TTBK1: variants seen among roughly 807,000 people sequenced by gnomAD.
The protein encoded by TTBK1 is tau-tubulin kinase 1.
A neutral mutation model predicts 108.5 loss-of-function variants in TTBK1; 34 were observed. That is an observed-to-expected ratio of 0.31 (90% confidence interval 0.24 to 0.42). The LOEUF is 0.42. Among genes scored for constraint, TTBK1 ranks in the 10% least tolerant of loss-of-function variants. The pLI is 1.00. For synonymous variants in TTBK1, 809 were observed against 795.1 expected (o/e 1.02, Z -0.29); for missense variants, 1,539 against 1,826.0 (o/e 0.84, Z 2.86).
intron 13 of TTBK1, among the ~76,000 whole-genome samples, chr6:43,274,244 T>C (rs1777906003): frequency 1.3e-5 from 2 of 152,278 alleles, no homozygotes; most frequent in South Asian, 4.1e-4. Flanking sequence ...CGATATCCCT[T>C]TGCATTTCCA....
chr6:43,246,797 G>C (rs1348125662), intron 2 of TTBK1, 29 bp downstream of exon 2: 1 of 1,576,690 alleles, frequency 6.3e-7, no homozygotes. Flanking sequence ...GGGACAGAGG[G>C]AGGGTAGCGG....
At chr6:43,254,417 C>T (rs530430927) in intron 5 of TTBK1, 130 bp from the exon 6 acceptor site, 4 of 601,080 alleles carry the variant, frequency 6.7e-6, no homozygotes, top group Non-Finnish European at 8.7e-6. Context: ...TGAATACTGA[C>T]GTTTCCTTGC....
chr6:43,255,014 G>A (rs1331460161), intron 6 of TTBK1, 35 bp from the exon 7 acceptor site: 2 of 1,608,824 alleles, frequency 1.2e-6, no homozygotes, highest in Admixed American at 1.7e-5. Context: ...GTGAGGGCAT[G>A]GTGGGTGACG....
In TTBK1 at chr6:43,283,947, C is replaced by T; in HGVS notation, c.3207C>T (p.Pro1069=). 1.2e-6 allele frequency: 2 copies of T among 1,612,716 alleles called. No individual in the cohort carries two copies. The highest frequency in any genetic ancestry group is 1.7e-6 in the Non-Finnish European group (2 of 1,179,318). ...CTGAGGAGGACACGGGCTCGGAGCC[C>T]TCAGGCTCACTGTCGGCCAAAGAGC... is the stretch of plus-strand genomic sequence containing the variant. ...LLSEEDTGSE[P]SGSLSAKERW... The change falls in exon 14 of 15, where the codon CCC becomes CCT. Residue 1069 remains proline, a synonymous_variant. Transcript: ENST00000259750. The surrounding 1 kb of genome is among the most constrained non-coding windows in gnomAD (Gnocchi z 8.1).
At chr6:43,254,439 T>G in intron 5 of TTBK1, 108 bp from the exon 6 acceptor site, 1 of 714,014 alleles carries the variant, frequency 1.4e-6, no homozygotes, top group Non-Finnish European at 2.3e-6. Flanking sequence ...GGCGAGTGAA[T>G]GTGGGGCTGA....
chr6:43,255,420 G>A, intron 7 of TTBK1, 132 bp from the exon 8 acceptor site: 1 of 823,276 alleles, frequency 1.2e-6, no homozygotes, highest in Non-Finnish European at 2.0e-6. Flanking sequence ...GTGGCCTCAG[G>A]GAGACCCCAG....
At position 43,282,603 on chromosome 6, in the gene TTBK1, T is replaced by A. The variant is rs1467646986; in HGVS notation, c.1987-124T>A. ...GACCCAGTGCCTGTGCTTAACTTTA[T>A]GGAGCTCACACTCTGGTAGACGACC... On this transcript the variant is annotated intron_variant, in intron 13 of 14. Coordinates refer to ENST00000259750, the MANE Select transcript of TTBK1 (RefSeq NM_032538.3). This position sits in a 1 kb window ranked among gnomAD's most constrained non-coding sequence, Gnocchi z 5.4. 6 of 776,960 alleles carry A rather than the reference T, an allele frequency of 7.7e-6. No homozygotes were observed. The highest frequency in any genetic ancestry group is 1.3e-5 in the Non-Finnish European group (6 of 467,488). The allele number at this position is 776,960 out of a possible 1,614,324, so 48.1% of individuals were successfully genotyped here. A position where few individuals can be genotyped will look rare whatever the true frequency, so the allele number is the denominator to read the frequency against.
In TTBK1 at chr6:43,253,503, C is replaced by G; in HGVS notation, c.331-65C>G. ...TTTGGGGTGAGGCTGGGAAGAGTAT[C>G]ACAATGATGGTGTCTGGGATGATGG... On this transcript the variant is annotated intron_variant, in intron 4 of 14. Coordinates refer to ENST00000259750, the MANE Select transcript of TTBK1 (RefSeq NM_032538.3). The surrounding 1 kb of genome is among the most constrained non-coding windows in gnomAD (Gnocchi z 5.8). 1.3e-6 allele frequency: 2 copies of G among 1,587,090 alleles called. No individual in the cohort carries two copies. Among genetic ancestry groups the G allele is most frequent in the East Asian group, 4.5e-5 (2 of 44,592 alleles).
intron 13 of TTBK1, among the ~76,000 whole-genome samples, chr6:43,278,287 G>A (rs1778063089): frequency 6.6e-6 from 1 of 152,146 alleles, no homozygotes; most frequent in African/African-American, 2.4e-5. Context: ...GACTTGGGCT[G>A]GGCTCTTGAG....
At chr6:43,267,713 T>C (rs1323176316) in intron 13 of TTBK1, among the ~76,000 whole-genome samples, 1 of 152,156 alleles carries the variant, frequency 6.6e-6, no homozygotes, top group African/African-American at 2.4e-5. Context: ...CGGGAAAAGC[T>C]AGGGCAAGGG....
In TTBK1 at chr6:43,255,040, C is replaced by T. The variant is rs1402469595; in HGVS notation, c.577-9C>T. The T allele has an allele frequency of 6.2e-7, 1 of 1,613,400 alleles. No individual in the cohort carries two copies. ...GTGGGTGACGTTCTTGGTGGTCTCCCTTCTGCAGCCTCGGAATGTGGCCGG... is the reference window on the plus strand; with the variant it reads ...GTGGGTGACGTTCTTGGTGGTCTCCTTTCTGCAGCCTCGGAATGTGGCCGG... On this transcript the variant is annotated splice_polypyrimidine_tract_variant and intron_variant, in intron 6 of 14. Coordinates refer to ENST00000259750, the MANE Select transcript of TTBK1 (RefSeq NM_032538.3).
rs1777791415 is a variant in TTBK1, at chr6:43,270,221, C to T, written c.1986+6871C>T. 3 of 1,292,224 alleles carry T rather than the reference C, an allele frequency of 2.3e-6. No individual in the cohort carries two copies. The Admixed American group carries it at 1.2e-4, about 50-fold the overall frequency. The allele number at this position is 1,292,224 out of a possible 1,614,324, so 80.0% of individuals were successfully genotyped here. On this transcript the variant is annotated intron_variant, in intron 13 of 14. Coordinates refer to ENST00000259750, the MANE Select transcript of TTBK1 (RefSeq NM_032538.3). ...GGGGCTGGTGGTACAGTTTCCAGGA[C>T]AGGGCAGGGGCGCTCAGCTGGAGCC...
intron 13 of TTBK1, among the ~76,000 whole-genome samples, chr6:43,266,896 G>A (rs1048419164): frequency 6.6e-6 from 1 of 152,154 alleles, no homozygotes; most frequent in Admixed American, 6.5e-5. Flanking sequence ...GATTACAGGC[G>A]TGAGCCATCG....
At chr6:43,258,046 C>T in intron 10 of TTBK1, 80 bp downstream of exon 10, 1 of 1,487,082 alleles carries the variant, frequency 6.7e-7, no homozygotes, top group East Asian at 2.3e-5. Flanking sequence ...CCTCTCCTCT[C>T]TTCCTATCTG....
At chr6:43,272,640 ATAT>A in intron 13 of TTBK1, 1 of 985,298 alleles carries the variant, frequency 1.0e-6, no homozygotes, top group Non-Finnish European at 1.2e-6. Context: ...GATCTTAATA[ATAT>A]TATCTTTTCG....
intron 13 of TTBK1, chr6:43,271,128 T>C: frequency 3.0e-6 from 3 of 985,328 alleles, no homozygotes; most frequent in East Asian, 1.1e-4. Context: ...AGCACCTCTG[T>C]TCCCCTGGGG....
rs35175743 is a variant in TTBK1, at chr6:43,263,310, C to G, written c.1946C>G (p.Pro649Arg). The G allele has an allele frequency of 0.028, 41,974 of 1,484,046 alleles. 707 individuals are homozygous for G. The highest frequency in any genetic ancestry group is 0.032 in the Non-Finnish European group (35,319 of 1,114,220). 91.9% of individuals were successfully genotyped at this position (1,484,046 alleles called of 1,614,324 possible). ...SHSPLHSGPRPRRRESDPTGP... is the reference protein window; with the variant it reads ...SHSPLHSGPRRRRRESDPTGP... Reference sequence around the variant, plus strand: ...TCACCCCTGCACTCGGGACCCCGCCCTCGACGGAGAGAGTCGGACCCCACA... The same window carrying G: ...TCACCCCTGCACTCGGGACCCCGCCGTCGACGGAGAGAGTCGGACCCCACA... Residue 649 changes from proline to arginine, a missense_variant, in exon 13 of 15, where the codon CCT becomes CGT. Pro to Arg is a moderately radical substitution (Grantham distance 103, BLOSUM62 -2). This residue lies in a region of TTBK1 where 1,055 missense variants were observed against 1,086.5 expected (regional missense o/e 0.97). Coordinates refer to ENST00000259750, the MANE Select transcript of TTBK1 (RefSeq NM_032538.3). The surrounding 1 kb of genome is among the most constrained non-coding windows in gnomAD (Gnocchi z 4.7).
chr6:43,266,770 C>G (rs185226804), intron 13 of TTBK1, among the ~76,000 whole-genome samples: 4 of 152,188 alleles, frequency 2.6e-5, no homozygotes, highest in Admixed American at 2.0e-4. Context: ...GCATGCACCA[C>G]CACCACACCC....
At chr6:43,246,863 C>G in intron 2 of TTBK1, 95 bp downstream of exon 2, 3 of 944,414 alleles carry the variant, frequency 3.2e-6, no homozygotes, top group Non-Finnish European at 3.2e-6. Flanking sequence ...GCTCCCCTAC[C>G]CTAAGAGGGA....
Sources: gnomAD v4.1 joint callset for allele counts (sites outside exome capture counted in the v4.1 genomes callset) on GRCh38, gnomAD v4.1.1 for gene constraint, gnomAD v4.1.1 regional missense constraint, Gnocchi (gnomAD v3.1) non-coding constraint, MANE v1.5 for transcripts, NCBI Gene and HGNC (gene_info 2026-07-23, HGNC 2026-07-21) for gene names.